GRM8: variants seen among roughly 807,000 people sequenced by gnomAD.
GRM8 encodes the protein metabotropic glutamate receptor 8.
GRM8 carries 47 observed loss-of-function variants against 87.2 expected under a neutral mutation model. The ratio of observed to expected loss-of-function variants is 0.54; its 90% CI spans 0.43 to 0.69. The LOEUF (loss-of-function observed/expected upper bound fraction) is 0.69. GRM8 is among the 30% of genes least tolerant of loss of function. The pLI is 0.00. For synonymous variants in GRM8, 396 were observed against 404.5 expected (o/e 0.98, Z 0.25); for missense variants, 1,019 against 1,139.2 (o/e 0.89, Z 1.52).
intron 2 of GRM8, among the ~76,000 whole-genome samples, chr7:127,212,421 T>A (rs960014907): frequency 4.4e-4 from 62 of 142,414 alleles, no homozygotes; most frequent in South Asian, 2.1e-3. Context: ...TTTTTTTTTT[T>A]TTTTTTTTTT....
chr7:127,125,993 T>C (rs1448636341), intron 2 of GRM8, among the ~76,000 whole-genome samples: 1 of 135,984 alleles, frequency 7.4e-6, no homozygotes, highest in Non-Finnish European at 1.5e-5. Context: ...TTGGTGAGGA[T>C]GCGGAGAAAA....
Position 127,149,568 on chromosome 7 carries a change from C to T in GRM8, c.511-42856G>A, listed in dbSNP as rs953858897. Among the ~76,000 whole-genome samples, 7 of 152,022 alleles carry T rather than the reference C, an allele frequency of 4.6e-5. No individual in the cohort carries two copies. The East Asian group carries it at 9.7e-4, about 21-fold the overall frequency. On this transcript the variant is annotated intron_variant, in intron 2 of 10. Transcript: ENST00000339582. ...TAACAATCCCTCTTCTGGGCATATACCCAAGGGAAATAAAATCACCACTTT... is the reference window on the plus strand; with the variant it reads ...TAACAATCCCTCTTCTGGGCATATATCCAAGGGAAATAAAATCACCACTTT...
At chr7:126,447,812 C>A (rs969627816) in intron 9 of GRM8, among the ~76,000 whole-genome samples, 1 of 151,886 alleles carries the variant, frequency 6.6e-6, no homozygotes, top group African/African-American at 2.4e-5. Flanking sequence ...ATGCACACTG[C>A]TGAATTTACT....
chr7:126,900,675 AT>A (rs555947594), intron 6 of GRM8, among the ~76,000 whole-genome samples: 60 of 151,948 alleles, frequency 3.9e-4, no homozygotes, highest in African/African-American at 1.4e-3. Context: ...CGCCGGGCTA[AT>A]TTTTTGTATT....
chr7:126,909,274 G>C (rs1256851759), intron 3 of GRM8, among the ~76,000 whole-genome samples: 1 of 152,130 alleles, frequency 6.6e-6, no homozygotes, highest in Non-Finnish European at 1.5e-5. Flanking sequence ...GTTAGAATTT[G>C]GTTTAAAAAA....
intron 2 of GRM8, among the ~76,000 whole-genome samples, chr7:127,139,404 C>T (rs1175828146): frequency 6.6e-6 from 1 of 152,000 alleles, no homozygotes; most frequent in African/African-American, 2.4e-5. Flanking sequence ...AGTGTGGTAC[C>T]ATCTTGAAAA....
chr7:127,231,872 C>CTTT (rs5887330), intron 2 of GRM8, among the ~76,000 whole-genome samples: 3,193 of 149,370 alleles, frequency 0.021, 107 homozygotes, highest in African/African-American at 0.071. Context: ...TTTTCTTTTT[C>CTTT]TTTTTTTTTT....
At chr7:126,836,086 G>GA (rs949237281) in intron 6 of GRM8, among the ~76,000 whole-genome samples, 11 of 151,592 alleles carry the variant, frequency 7.3e-5, no homozygotes, top group South Asian at 2.1e-4. Flanking sequence ...TTAACATAAG[G>GA]AAAAAAAATC....
intron 3 of GRM8, among the ~76,000 whole-genome samples, chr7:126,908,109 A>G (rs1177882781): frequency 6.6e-6 from 1 of 152,216 alleles, no homozygotes; most frequent in Non-Finnish European, 1.5e-5. Flanking sequence ...TGTCAAACTG[A>G]AAAAGTGAAT....
intron 9 of GRM8, among the ~76,000 whole-genome samples, chr7:126,479,854 T>C (rs974391060): frequency 4.6e-5 from 7 of 152,110 alleles, no homozygotes; most frequent in African/African-American, 1.7e-4. Flanking sequence ...AAAGTAGCTC[T>C]ATCATATTAT....
chr7:126,921,924 A>T (rs551015086), intron 3 of GRM8, among the ~76,000 whole-genome samples: 2 of 152,242 alleles, frequency 1.3e-5, no homozygotes, highest in South Asian at 2.1e-4. Flanking sequence ...AGGAAAGGGG[A>T]TTTCTCAAAG....
chr7:126,453,363 TC>T (rs1463739126), intron 9 of GRM8, among the ~76,000 whole-genome samples: 2 of 151,572 alleles, frequency 1.3e-5, no homozygotes, highest in African/African-American at 4.8e-5. Context: ...ACTTATCACA[TC>T]CCCTTTCGGC....
chr7:126,943,910 C>T (rs1211073990), intron 3 of GRM8, among the ~76,000 whole-genome samples: 2 of 152,206 alleles, frequency 1.3e-5, no homozygotes, highest in African/African-American at 2.4e-5. Flanking sequence ...TTCTTTCTTT[C>T]TAAAGGACTC....
At chr7:126,684,568 T>C (rs565185117) in intron 7 of GRM8, among the ~76,000 whole-genome samples, 1 of 152,324 alleles carries the variant, frequency 6.6e-6, no homozygotes, top group Non-Finnish European at 1.5e-5. Context: ...AGGCAGTAAG[T>C]GGCCTACCCA....
intron 2 of GRM8, among the ~76,000 whole-genome samples, chr7:127,213,307 A>G (rs1270340469): frequency 3.9e-5 from 6 of 152,228 alleles, no homozygotes; most frequent in African/African-American, 4.8e-5. Context: ...AGCACTTGAC[A>G]TGTGGCTAGC....
intron 3 of GRM8, among the ~76,000 whole-genome samples, chr7:127,025,050 C>T (rs1224695782): frequency 6.6e-6 from 1 of 152,082 alleles, no homozygotes; most frequent in East Asian, 1.9e-4. Flanking sequence ...TCAACTCCCC[C>T]TTCCTGAGAG....
intron 3 of GRM8, among the ~76,000 whole-genome samples, chr7:127,046,912 G>C (rs1034659109): frequency 6.6e-6 from 1 of 151,828 alleles, no homozygotes; most frequent in Admixed American, 6.5e-5. Flanking sequence ...TATGTTTGCT[G>C]TCATTTTTCG....
intron 9 of GRM8, among the ~76,000 whole-genome samples, chr7:126,463,382 A>G (rs1241626836): frequency 1.3e-5 from 2 of 151,640 alleles, no homozygotes; most frequent in African/African-American, 4.8e-5. Flanking sequence ...CTAAGGAACA[A>G]GTGAAAACTG....
chr7:126,560,448 G>C (rs1454563713), intron 8 of GRM8, among the ~76,000 whole-genome samples: 1 of 152,010 alleles, frequency 6.6e-6, no homozygotes, highest in Non-Finnish European at 1.5e-5. Context: ...AATGCTTTTA[G>C]TCAGCCTTCT....
Sources: allele counts gnomAD v4.1 joint callset (sites outside exome capture counted in the v4.1 genomes callset), GRCh38; gene constraint gnomAD v4.1.1; transcripts MANE v1.5; gene names NCBI Gene and HGNC (gene_info 2026-07-23, HGNC 2026-07-21).